The following PTGER3 variants were observed in gnomAD, a reference collection of about 807,000 sequenced individuals.
PTGER3 encodes the protein prostaglandin E receptor 3.
PTGER3 carries 22 observed loss-of-function variants against 34.7 expected under a neutral mutation model. The observed-to-expected ratio is 0.63, with a 90% CI of 0.45 to 0.91. PTGER3 has a LOEUF of 0.91. PTGER3 is among the 40% of genes least tolerant of loss of function. The probability of loss-of-function intolerance (pLI) is 0.00; values close to 1 mark genes in which losing one functional copy is unlikely to be tolerated. For missense variants in PTGER3, 468 were observed against 519.4 expected (o/e 0.90, Z 0.96); for synonymous variants, 241 against 230.1 (o/e 1.05, Z -0.43).
intron 1 of PTGER3, among the ~76,000 whole-genome samples, chr1:71,035,292 T>C (rs532303457): frequency 5.9e-5 from 9 of 152,342 alleles, no homozygotes; most frequent in Admixed American, 5.2e-4. Context: ...AATCTACTTA[T>C]GTGTTTCTCC....
chr1:70,924,071 G>A (rs1332688030), intron 4 of PTGER3, among the ~76,000 whole-genome samples: 1 of 152,008 alleles, frequency 6.6e-6, no homozygotes, highest in African/African-American at 2.4e-5. Flanking sequence ...CACAGGCCCA[G>A]GAGCCCCAAG....
At chr1:71,012,140 G>C (rs1365227955) in intron 2 of PTGER3, 165 bp downstream of exon 2, 1 of 1,526,680 alleles carries the variant, frequency 6.6e-7, no homozygotes, top group Non-Finnish European at 8.7e-7. Flanking sequence ...GCATGCCAGA[G>C]ATGCCTAAAT....
intron 2 of PTGER3, among the ~76,000 whole-genome samples, chr1:70,984,563 T>C (rs1045351212): frequency 6.6e-6 from 1 of 151,764 alleles, no homozygotes; most frequent in African/African-American, 2.4e-5. Flanking sequence ...AAAAAGAAAG[T>C]TTTAAATTAG....
chr1:70,863,821 A>T (rs1645982462), intron 4 of PTGER3, among the ~76,000 whole-genome samples: 1 of 152,190 alleles, frequency 6.6e-6, no homozygotes. Context: ...CAAGTAGTTC[A>T]TGATGGCTAT....
chr1:70,917,021 T>C (rs1396306029), intron 4 of PTGER3, among the ~76,000 whole-genome samples: 1 of 152,002 alleles, frequency 6.6e-6, no homozygotes, highest in Non-Finnish European at 1.5e-5. Context: ...ATTTATCATT[T>C]CTTTGTGACA....
At chr1:71,033,781 C>T (rs1194617973) in intron 1 of PTGER3, among the ~76,000 whole-genome samples, 5 of 151,978 alleles carry the variant, frequency 3.3e-5, no homozygotes, top group Admixed American at 1.3e-4. Context: ...ACAAGGGTCA[C>T]GTCATTGTAG....
intron 1 of PTGER3, among the ~76,000 whole-genome samples, chr1:71,032,294 C>A (rs1484917005): frequency 6.6e-6 from 1 of 152,092 alleles, no homozygotes; most frequent in Non-Finnish European, 1.5e-5. Flanking sequence ...ATTCTCTGAG[C>A]CTGAATCTTT....
At chr1:70,898,910 G>A (rs992714309) in intron 4 of PTGER3, among the ~76,000 whole-genome samples, 1 of 151,896 alleles carries the variant, frequency 6.6e-6, no homozygotes. Flanking sequence ...TCTGTTTTAT[G>A]TTCCTCTTTC....
At chr1:70,941,834 T>C (rs899088175) in intron 4 of PTGER3, among the ~76,000 whole-genome samples, 1 of 152,198 alleles carries the variant, frequency 6.6e-6, no homozygotes, top group East Asian at 1.9e-4. Flanking sequence ...ATATTATATC[T>C]GTGCTTCTGA....
chr1:71,035,057 T>G (rs77840794), intron 1 of PTGER3, among the ~76,000 whole-genome samples: 4,514 of 152,240 alleles, frequency 0.03, 184 homozygotes, highest in Admixed American at 0.074. Flanking sequence ...GGTAAAAAAT[T>G]TCCTATTATT....
Position 70,971,744 on chromosome 1 carries a change from A to G in PTGER3, c.1170-11T>C. 6.6e-7 allele frequency: 1 copy of G among 1,523,820 alleles called. No homozygotes were observed. The highest frequency in any genetic ancestry group is 8.9e-7 in the Non-Finnish European group (1 of 1,120,726). 94.4% of individuals were successfully genotyped at this position (1,523,820 alleles called of 1,614,324 possible). ...CCGTTCTTTCATTATCTGTTAGAAT[A>G]GAGAGAGAAAGATGCAATAAGCATG... On this transcript the variant is annotated splice_polypyrimidine_tract_variant and intron_variant, in intron 3 of 3. Coordinates refer to ENST00000306666, the MANE Select transcript of PTGER3 (RefSeq NM_198719.2).
chr1:70,910,990 G>C (rs1647048073), intron 4 of PTGER3, among the ~76,000 whole-genome samples: 1 of 151,638 alleles, frequency 6.6e-6, no homozygotes, highest in Non-Finnish European at 1.5e-5. Context: ...TGAGGGAGGA[G>C]AATCGCTTGA....
downstream of PTGER3, among the ~76,000 whole-genome samples, chr1:70,968,983 G>T (rs1652816470): frequency 6.6e-6 from 1 of 152,048 alleles, no homozygotes; most frequent in Non-Finnish European, 1.5e-5. Flanking sequence ...GAGGCGAGTG[G>T]ATCACTTAAG....
At chr1:70,993,406 T>G (rs1305435104) in intron 2 of PTGER3, among the ~76,000 whole-genome samples, 1 of 152,208 alleles carries the variant, frequency 6.6e-6, no homozygotes, top group African/African-American at 2.4e-5. Flanking sequence ...AGAGGAATCA[T>G]GCTATACTCA....
chr1:70,855,964 A>G (rs191170617), intron 4 of PTGER3, among the ~76,000 whole-genome samples: 1 of 152,238 alleles, frequency 6.6e-6, no homozygotes, highest in Non-Finnish European at 1.5e-5. Context: ...AATGTTTGCT[A>G]CAGATTAAAA....
chr1:71,046,212 G>C (rs1183752399), intron 1 of PTGER3, among the ~76,000 whole-genome samples: 95 of 150,516 alleles, frequency 6.3e-4, no homozygotes, highest in African/African-American at 2.2e-3. Flanking sequence ...CGTGAACCCG[G>C]GAGGCGGAGC....
chr1:70,865,537 G>A (rs12119442), intron 4 of PTGER3: 129,484 of 1,006,512 alleles, frequency 0.13, 9,317 homozygotes, highest in African/African-American at 0.25. Flanking sequence ...GATCTCTTCA[G>A]GGTTCTTGAC....
At chr1:70,924,368 A>C (rs913519881) in intron 4 of PTGER3, among the ~76,000 whole-genome samples, 5 of 152,320 alleles carry the variant, frequency 3.3e-5, no homozygotes, top group Admixed American at 2.0e-4. Flanking sequence ...TCCAAGAACT[A>C]TGGTATACTT....
intron 2 of PTGER3, chr1:71,011,784 A>G: frequency 1.0e-6 from 1 of 989,194 alleles, no homozygotes; most frequent in Non-Finnish European, 1.2e-6. Context: ...AAGTGACAGA[A>G]AGCGAGAGAG....
Sources: allele counts gnomAD v4.1 joint callset (sites outside exome capture counted in the v4.1 genomes callset), GRCh38; gene constraint gnomAD v4.1.1; transcripts MANE v1.5; gene names NCBI Gene and HGNC (gene_info 2026-07-23, HGNC 2026-07-21).